SNX29: variants seen among roughly 807,000 people sequenced by gnomAD.
SNX29 encodes sorting nexin 29.
In SNX29, 78 loss-of-function variants were observed where a neutral mutation model predicts 102.1. That is an observed-to-expected ratio of 0.76 (90% CI 0.64 to 0.92). The LOEUF is 0.92. Among genes scored for constraint, SNX29 ranks in the 40% least tolerant of loss-of-function variants. The pLI is 0.00. For synonymous variants in SNX29, 580 were observed against 414.5 expected (o/e 1.40, Z -4.85); for missense variants, 1,280 against 1,061.7 (o/e 1.21, Z -2.86).
intron 14 of SNX29, among the ~76,000 whole-genome samples, chr16:12,251,844 C>T (rs1231663535): frequency 6.6e-6 from 1 of 152,092 alleles, no homozygotes; most frequent in African/African-American, 2.4e-5. Flanking sequence ...ACTGCAGCCT[C>T]GAGCTTCTGG....
intron 20 of SNX29, among the ~76,000 whole-genome samples, chr16:12,549,958 G>A (rs1174005176): frequency 4.6e-5 from 7 of 152,298 alleles, no homozygotes; most frequent in Non-Finnish European, 5.9e-5. Context: ...AAGTTTTATT[G>A]GAACATGCCC....
At chr16:12,362,644 T>G (rs2082341842) in intron 16 of SNX29, among the ~76,000 whole-genome samples, 1 of 137,512 alleles carries the variant, frequency 7.3e-6, no homozygotes, top group African/African-American at 2.7e-5. Context: ...CCAGGGCCTT[T>G]GTTCCTAGTG....
Position 12,558,419 on chromosome 16 carries a change from G to A in SNX29, c.2319-10087G>A, listed in dbSNP as rs187090272. 9.8e-5 allele frequency among the ~76,000 whole-genome samples: 15 copies of A among 152,358 alleles called. No individual in the cohort carries two copies. The East Asian group carries it at 2.5e-3, about 25-fold the overall frequency. ...ATATGTTAGCCTTGAAGTGGTGAAA[G>A]CTGACATCTAGAAAGCATTGGTAGA... On this transcript the variant is annotated intron_variant, in intron 20 of 20. Transcript: ENST00000566228.
At chr16:12,347,335 G>A (rs1387095485) in intron 15 of SNX29, among the ~76,000 whole-genome samples, 1 of 152,112 alleles carries the variant, frequency 6.6e-6, no homozygotes, top group African/African-American at 2.4e-5. Flanking sequence ...CAGAGCACCT[G>A]GCTCATCAGG....
At chr16:12,124,740 T>G (rs1376547200) in intron 11 of SNX29, among the ~76,000 whole-genome samples, 1 of 152,246 alleles carries the variant, frequency 6.6e-6, no homozygotes, top group Non-Finnish European at 1.5e-5. Flanking sequence ...TTTTCAATGC[T>G]GCTTTTTATC....
At chr16:12,044,272 T>C (rs2050001208) in intron 5 of SNX29, among the ~76,000 whole-genome samples, 1 of 152,230 alleles carries the variant, frequency 6.6e-6, no homozygotes, top group Non-Finnish European at 1.5e-5. Context: ...TGCCCTGTGT[T>C]CCCTAGTTCA....
At chr16:12,540,300 T>A (rs34246038) in intron 20 of SNX29, among the ~76,000 whole-genome samples, 2 of 151,760 alleles carry the variant, frequency 1.3e-5, no homozygotes, top group African/African-American at 4.8e-5. Context: ...CATTACGGGG[T>A]GGCCCCACCC....
intron 15 of SNX29, among the ~76,000 whole-genome samples, chr16:12,326,089 G>C (rs1035457273): frequency 4.0e-5 from 6 of 151,722 alleles, no homozygotes; most frequent in African/African-American, 1.4e-4. Flanking sequence ...GCAGTGGTGC[G>C]ATCTTGGCTC....
chr16:12,033,942 C>T (rs1163266017), intron 4 of SNX29, among the ~76,000 whole-genome samples: 1 of 152,124 alleles, frequency 6.6e-6, no homozygotes, highest in African/African-American at 2.4e-5. Context: ...ACAGTAGATG[C>T]CACCAAAGGA....
intron 1 of SNX29, among the ~76,000 whole-genome samples, chr16:11,991,446 G>A (rs2055843803): frequency 6.6e-6 from 1 of 152,146 alleles, no homozygotes; most frequent in African/African-American, 2.4e-5. Context: ...AGGGGTGCAG[G>A]AGGGGCCCGT....
Position 12,554,830 on chromosome 16 carries a change from A to T in SNX29, c.2319-13676A>T, listed in dbSNP as rs2856789. Among the ~76,000 whole-genome samples, 455 of 152,192 alleles carry T rather than the reference A, an allele frequency of 3.0e-3. 4 individuals are homozygous for T. Among genetic ancestry groups the T allele is most frequent in the African/African-American group, 0.011 (440 of 41,532 alleles). ...TTGTATTGAGCACCTGCTCTGTGCC[A>T]TTCTTTCCGTAGGTGCCAGGGTGCT... On this transcript the variant is annotated intron_variant, in intron 20 of 20. Coordinates refer to ENST00000566228, the MANE Select transcript of SNX29 (RefSeq NM_032167.5).
At chr16:12,183,859 AGTC>A (rs1400627596) in intron 13 of SNX29, among the ~76,000 whole-genome samples, 1 of 152,236 alleles carries the variant, frequency 6.6e-6, no homozygotes, top group African/African-American at 2.4e-5. Flanking sequence ...AGTGACCTCT[AGTC>A]ATCATCACTG....
At position 12,032,187 on chromosome 16, in the gene SNX29, CCTT is replaced by C. The variant is rs199740204; in HGVS notation, c.247+4759_247+4761del. ...CGTGTTGTAGTATGTGTCAGAATTT[CCTT>C]CTTCTTCTTCTTCTTTTTTTTTTTT... On this transcript the variant is annotated intron_variant, in intron 4 of 20. Transcript: ENST00000566228. Among the ~76,000 whole-genome samples, 601 of 146,808 alleles carry C rather than the reference CCTT, an allele frequency of 4.1e-3. 53 individuals carry two copies. The highest frequency in any genetic ancestry group is 0.014 in the Middle Eastern group (4 of 280).
At chr16:12,013,364 C>A (rs2056718084) in intron 3 of SNX29, among the ~76,000 whole-genome samples, 1 of 149,572 alleles carries the variant, frequency 6.7e-6, no homozygotes, top group Non-Finnish European at 1.5e-5. Flanking sequence ...TTGTTAGTGG[C>A]CAGGCACGGT....
At chr16:12,011,105 T>C (rs1345113426) in intron 3 of SNX29, among the ~76,000 whole-genome samples, 1 of 152,064 alleles carries the variant, frequency 6.6e-6, no homozygotes, top group Non-Finnish European at 1.5e-5. Flanking sequence ...CCCAAGTACT[T>C]TATTTCCACT....
intron 18 of SNX29, among the ~76,000 whole-genome samples, chr16:12,429,551 G>C (rs910882826): frequency 1.3e-5 from 2 of 152,160 alleles, no homozygotes; most frequent in Non-Finnish European, 2.9e-5. Context: ...TTACAGATGT[G>C]AGCCACTGTA....
intron 20 of SNX29, among the ~76,000 whole-genome samples, chr16:12,566,048 T>G (rs995337341): frequency 1.3e-5 from 2 of 152,236 alleles, no homozygotes; most frequent in African/African-American, 4.8e-5. Context: ...GTTTGAATGT[T>G]CACTGTTGCC....
chr16:12,414,056 A>G (rs1358288945), intron 18 of SNX29, among the ~76,000 whole-genome samples: 2 of 152,266 alleles, frequency 1.3e-5, no homozygotes, highest in Non-Finnish European at 1.5e-5. Flanking sequence ...TGCAAATATC[A>G]TGTAAATATT....
intron 20 of SNX29, among the ~76,000 whole-genome samples, chr16:12,534,684 G>C (rs1452190610): frequency 2.6e-5 from 4 of 152,192 alleles, no homozygotes; most frequent in Non-Finnish European, 4.4e-5. Flanking sequence ...GAGGATCTTT[G>C]ATTCTGCTTT....
Sources: gnomAD v4.1 joint callset for allele counts (sites outside exome capture counted in the v4.1 genomes callset) on GRCh38, gnomAD v4.1.1 for gene constraint, MANE v1.5 for transcripts, NCBI Gene and HGNC (gene_info 2026-07-23, HGNC 2026-07-21) for gene names.